JPT1: variants seen among roughly 807,000 people sequenced by gnomAD.
JPT1 encodes Jupiter microtubule associated homolog 1, also known as androgen-regulated protein 2.
JPT1 carries 5 observed loss-of-function variants against 17.0 expected under a neutral mutation model. That is an observed-to-expected ratio of 0.29 (90% CI 0.15 to 0.62). The LOEUF (loss-of-function observed/expected upper bound fraction) is 0.62, where lower values mean the gene tolerates loss of function less well. Among genes scored for constraint, JPT1 ranks in the 20% least tolerant of loss-of-function variants. The pLI is 0.85. For missense variants in JPT1, 158 were observed against 188.1 expected, an observed-to-expected ratio of 0.84 and a Z score of 0.94; for synonymous variants, 71 against 73.6, an observed-to-expected ratio of 0.96 and a Z score of 0.18.
chr17:75,150,258 CTTT>C (rs796385659), intron 1 of JPT1, among the ~76,000 whole-genome samples: 1 of 145,346 alleles, frequency 6.9e-6, no homozygotes, highest in Non-Finnish European at 1.5e-5. Context: ...TTTTTCTTTT[CTTT>C]TTTTTTTTTG....
intron 4 of JPT1, among the ~76,000 whole-genome samples, chr17:75,137,528 G>GGT (rs1555650494): frequency 2.0e-4 from 26 of 133,198 alleles, no homozygotes; most frequent in African/African-American, 6.5e-4. Context: ...GGCTATTTTT[G>GGT]TTTTTTTTTT....
chr17:75,147,593 G>T lies in JPT1; in HGVS notation c.260C>A (p.Ser87Tyr), dbSNP rs1373633795. 6.2e-7 allele frequency: 1 copy of T among 1,613,950 alleles called. No individual in the cohort carries two copies. The highest frequency in any genetic ancestry group is 1.1e-5 in the South Asian group (1 of 91,086). ...GAAGTCTCCGGAGCTTGCTTCAGAGGAGTTCCTTCTCTGCAGTCCAGATGA... is the reference window on the plus strand; with the variant it reads ...GAAGTCTCCGGAGCTTGCTTCAGAGTAGTTCCTTCTCTGCAGTCCAGATGA... ...LESSGLQRRN[S>Y]SEASSGDFLD... is the part of the protein sequence containing the mutation. The change falls in exon 3 of 5, where the codon TCC (serine) becomes TAC (tyrosine). Residue 87 changes from serine to tyrosine, a missense_variant. Coordinates refer to ENST00000409753, the MANE Select transcript of JPT1 (RefSeq NM_016185.4).
chr17:75,149,375 A>AT (rs111459050), intron 1 of JPT1, among the ~76,000 whole-genome samples: 15 of 150,402 alleles, frequency 1.0e-4, no homozygotes, highest in East Asian at 3.9e-4. Flanking sequence ...AAGTAAATAA[A>AT]TTTTTTTTTT....
intron 4 of JPT1, chr17:75,142,616 AGG>A (rs2074340905): frequency 3.8e-5 from 8 of 208,388 alleles, no homozygotes; most frequent in South Asian, 9.5e-5. Flanking sequence ...AGGGGGAGAG[AGG>A]AGGGGAGGGA....
At chr17:75,139,266 A>C (rs1408600378) in intron 4 of JPT1, among the ~76,000 whole-genome samples, 1 of 152,186 alleles carries the variant, frequency 6.6e-6, no homozygotes, top group Non-Finnish European at 1.5e-5. Flanking sequence ...GATCTACTGA[A>C]GTCTTCATTC....
intron 1 of JPT1, among the ~76,000 whole-genome samples, chr17:75,152,197 T>C (rs1452359742): frequency 2.6e-5 from 4 of 152,170 alleles, no homozygotes; most frequent in Non-Finnish European, 5.9e-5. Context: ...TGTTTTAGGA[T>C]CCTACTATTC....
At chr17:75,140,270 G>C (rs746047276) in intron 4 of JPT1, among the ~76,000 whole-genome samples, 1 of 149,138 alleles carries the variant, frequency 6.7e-6, no homozygotes, top group Non-Finnish European at 1.5e-5. Flanking sequence ...GTCTGCTGAA[G>C]ATAATTTAAA....
chr17:75,148,986 G>A, intron 1 of JPT1: 1 of 1,260,854 alleles, frequency 7.9e-7, no homozygotes, highest in Admixed American at 3.2e-5. Flanking sequence ...AAGATCTAAT[G>A]GACCTTACTC....
chr17:75,147,976 A>G (rs956256632), intron 2 of JPT1: 1 of 283,156 alleles, frequency 3.5e-6, no homozygotes, highest in Admixed American at 4.6e-5. Context: ...TCTGTACTCC[A>G]GCCTGGGCAA....
At chr17:75,147,124 C>T (rs1224884766) in intron 3 of JPT1, among the ~76,000 whole-genome samples, 1 of 151,620 alleles carries the variant, frequency 6.6e-6, no homozygotes, top group South Asian at 2.1e-4. Flanking sequence ...GCTCTGAGGG[C>T]TTTAGTGCTT....
Position 75,154,488 on chromosome 17 carries a change from G to C in JPT1, c.-91C>G, listed in dbSNP as rs907197797. The C allele has an allele frequency of 1.0e-5, 13 of 1,242,050 alleles. No individual in the cohort carries two copies. Among genetic ancestry groups the C allele is most frequent in the African/African-American group, 1.5e-5 (1 of 65,342 alleles). The allele number at this position is 1,242,050 out of a possible 1,614,324, so 76.9% of individuals were successfully genotyped here. On this transcript the variant is annotated 5_prime_UTR_variant, in exon 1 of 5. Transcript: ENST00000409753. Reference sequence around the variant, plus strand: ...CTGGGAAACTCCACACCCAACAGCCGACCACCGCTGCAGGAGCCGCCGCTG... The same window carrying C: ...CTGGGAAACTCCACACCCAACAGCCCACCACCGCTGCAGGAGCCGCCGCTG...
intron 4 of JPT1, 75 bp from the exon 5 acceptor site, chr17:75,136,325 T>G (rs747288717): frequency 2.1e-6 from 3 of 1,447,210 alleles, no homozygotes; most frequent in Non-Finnish European, 2.8e-6. Flanking sequence ...CTGTTTCTCT[T>G]TTTCTTTTTT....
chr17:75,149,200 T>C (rs1023539466), intron 1 of JPT1: 3 of 438,318 alleles, frequency 6.8e-6, no homozygotes, highest in Non-Finnish European at 1.3e-5. Flanking sequence ...AAAAAAAAAA[T>C]TAAAAATTAG....
At chr17:75,136,413 A>T (rs1271143065) in intron 4 of JPT1, 163 bp from the exon 5 acceptor site, 1 of 594,066 alleles carries the variant, frequency 1.7e-6, no homozygotes, top group Non-Finnish European at 2.9e-6. Flanking sequence ...CCACAGAATT[A>T]ACCATTGTTC....
Position 75,136,035 on chromosome 17 carries a change from G to A in JPT1, c.*67C>T. ...ACAAATCCAAGAGATGTACAGTCAGGCTCAAGTTGTGCAGTTCACAAGCAT... is the reference window on the plus strand; with the variant it reads ...ACAAATCCAAGAGATGTACAGTCAGACTCAAGTTGTGCAGTTCACAAGCAT... On this transcript the variant is annotated 3_prime_UTR_variant, in exon 5 of 5. Transcript: ENST00000409753. The A allele has an allele frequency of 6.2e-7, 1 of 1,614,032 alleles. No homozygotes were observed. Among genetic ancestry groups the A allele is most frequent in the Non-Finnish European group, 8.5e-7 (1 of 1,179,950 alleles).
Position 75,146,650 on chromosome 17 carries a change from C to T in JPT1, c.316+16G>A. The T allele has an allele frequency of 2.0e-6, 3 of 1,533,614 alleles. No homozygotes were observed. The highest frequency in any genetic ancestry group is 2.7e-6 in the Non-Finnish European group (3 of 1,129,046). On this transcript the variant is annotated intron_variant, in intron 4 of 4. Transcript: ENST00000409753. ...CCATGGACAGAGCCAGAAATTTGGT[C>T]TTCAGAAGTACTTACCATGAATATC...
rs1316705177 is a variant in JPT1 at position 75,135,897 on chromosome 17, G to GA, written c.*204dup. ...AAGCTTTCCCTCCAATCTACTACTAGAAAACACTCATGCCATGGCCCACAG... is the reference window on the plus strand; with the variant it reads ...AAGCTTTCCCTCCAATCTACTACTAGAAAAACACTCATGCCATGGCCCACAG... On this transcript the variant is annotated 3_prime_UTR_variant, in exon 5 of 5. Coordinates refer to ENST00000409753, the MANE Select transcript of JPT1 (RefSeq NM_016185.4). The GA allele has an allele frequency of 1.9e-6, 2 of 1,078,774 alleles. No individual in the cohort carries two copies. Among genetic ancestry groups the GA allele is most frequent in the African/African-American group, 3.2e-5 (2 of 62,070 alleles). 66.8% of individuals were successfully genotyped at this position (1,078,774 alleles called of 1,614,324 possible).
intron 1 of JPT1, among the ~76,000 whole-genome samples, chr17:75,149,567 C>T (rs746696523): frequency 1.3e-5 from 2 of 151,706 alleles, no homozygotes; most frequent in Non-Finnish European, 2.9e-5. Context: ...CGGGGTTTCA[C>T]CGTGTTAGCC....
chr17:75,140,279 AAAAAAAAAAGGGC>A (rs1321934811), intron 4 of JPT1, among the ~76,000 whole-genome samples: 5 of 146,004 alleles, frequency 3.4e-5, no homozygotes, highest in African/African-American at 1.3e-4. Context: ...AGATAATTTA[AAAAAAAAAAGGGC>A]TTTAAATGAA....
Sources: allele counts gnomAD v4.1 joint callset (sites outside exome capture counted in the v4.1 genomes callset), GRCh38; gene constraint gnomAD v4.1.1; transcripts MANE v1.5; gene names NCBI Gene and HGNC (gene_info 2026-07-23, HGNC 2026-07-21).